Variants in SIL1 observed in about 807,000 individuals in gnomAD.
SIL1 encodes the protein SIL1 nucleotide exchange factor, also known as nucleotide exchange factor SIL1.
In SIL1, 40 loss-of-function variants were observed where a neutral mutation model predicts 49.1. That is an observed-to-expected ratio of 0.81 (90% CI 0.63 to 1.06). SIL1 has a LOEUF of 1.06. SIL1 is among the 50% of genes least tolerant of loss of function. The pLI is 0.00. For missense variants in SIL1, 500 were observed against 572.6 expected, an observed-to-expected ratio of 0.87 and a Z score of 1.29; for synonymous variants, 253 against 250.8, an observed-to-expected ratio of 1.01 and a Z score of -0.08.
intron 1 of SIL1, among the ~76,000 whole-genome samples, chr5:139,175,275 C>T (rs1298409655): frequency 6.6e-6 from 1 of 152,030 alleles, no homozygotes; most frequent in African/African-American, 2.4e-5. Flanking sequence ...TGAGCAAGAT[C>T]GCACCACTGC....
In SIL1 at chr5:138,947,263, G is replaced by A; in HGVS notation, c.1240C>T (p.Gln414Ter). 1 of 1,613,580 alleles carries A rather than the reference G, an allele frequency of 6.2e-7. No individual in the cohort carries two copies. Among genetic ancestry groups the A allele is most frequent in the South Asian group, 1.1e-5 (1 of 91,076 alleles). ...AGTGTCCTGCCGAGCTGGGGGTCCT[G>A]ACGGTAGCGGTCCCGGCAGGTGGTC... ...LLTTCRDRYR[Q>*]DPQLGRTLAS... Residue 414 changes from glutamine to a stop codon, truncating the protein, a stop_gained, in exon 10 of 10, where the codon CAG (glutamine) becomes TAG (stop). Coordinates refer to ENST00000394817, the MANE Select transcript of SIL1 (RefSeq NM_022464.5). LOFTEE classifies it high-confidence loss of function. The surrounding 1 kb of genome is among the most constrained non-coding windows in gnomAD (Gnocchi z 4.1).
intron 7 of SIL1, among the ~76,000 whole-genome samples, chr5:138,955,547 G>A (rs1252829725): frequency 2.0e-5 from 3 of 152,234 alleles, no homozygotes; most frequent in African/African-American, 7.2e-5. Flanking sequence ...CTGAAGCTAA[G>A]CAAGTGTCTG....
At chr5:139,110,734 T>TG (rs1770822434) in intron 3 of SIL1, among the ~76,000 whole-genome samples, 1 of 152,222 alleles carries the variant, frequency 6.6e-6, no homozygotes, top group African/African-American at 2.4e-5. Context: ...ACCCCCACCC[T>TG]GCCCTGTGCA....
At chr5:138,995,280 T>A (rs1021847628) in intron 7 of SIL1, among the ~76,000 whole-genome samples, 4 of 150,782 alleles carry the variant, frequency 2.7e-5, no homozygotes, top group Non-Finnish European at 5.9e-5. Context: ...AGAGTTTCAC[T>A]CTTGTTGCCC....
intron 2 of SIL1, among the ~76,000 whole-genome samples, chr5:139,122,212 G>A (rs990383718): frequency 6.6e-6 from 1 of 152,116 alleles, no homozygotes; most frequent in Non-Finnish European, 1.5e-5. Context: ...ACTTTACATA[G>A]ATCTCATTTT....
chr5:139,145,973 T>C (rs1751189120), intron 1 of SIL1, among the ~76,000 whole-genome samples: 1 of 151,818 alleles, frequency 6.6e-6, no homozygotes, highest in African/African-American at 2.4e-5. Context: ...TATATAAGTA[T>C]GTGAGTGTGT....
intron 3 of SIL1, among the ~76,000 whole-genome samples, chr5:139,081,219 T>C (rs141154496): frequency 3.3e-5 from 5 of 152,324 alleles, no homozygotes; most frequent in South Asian, 2.1e-4. Flanking sequence ...GAAAATGCCC[T>C]TTCAAAAACA....
chr5:138,977,776 A>G (rs184704974), intron 7 of SIL1, among the ~76,000 whole-genome samples: 176 of 152,210 alleles, frequency 1.2e-3, no homozygotes, highest in Non-Finnish European at 2.2e-3. Context: ...AACTTCGCCA[A>G]CCTCACCTCT....
Position 138,970,694 on chromosome 5 carries a change from A to T in SIL1, c.768-18810T>A, listed in dbSNP as rs181294676. 3.9e-5 allele frequency among the ~76,000 whole-genome samples: 6 copies of T among 152,316 alleles called. No individual in the cohort carries two copies. The East Asian group carries it at 7.7e-4, about 20-fold the overall frequency. On this transcript the variant is annotated intron_variant, in intron 7 of 9. Transcript: ENST00000394817. ...GTAACTACATCCTCCCAAGTGGTAT[A>T]GAATTCCAGGGAAGATCCTGGCCAA...
At chr5:139,100,095 A>T (rs1416345246) in intron 3 of SIL1, among the ~76,000 whole-genome samples, 2 of 152,228 alleles carry the variant, frequency 1.3e-5, no homozygotes, top group African/African-American at 4.8e-5. Context: ...AAATTTTTTT[A>T]AAAAGATTTA....
chr5:139,046,020 C>A (rs1250028631), intron 4 of SIL1, among the ~76,000 whole-genome samples: 1 of 152,224 alleles, frequency 6.6e-6, no homozygotes, highest in Non-Finnish European at 1.5e-5. Flanking sequence ...AACTAAATCA[C>A]TCTCCTGCCT....
chr5:138,983,832 T>G (rs1466872093), intron 7 of SIL1, among the ~76,000 whole-genome samples: 2 of 137,454 alleles, frequency 1.5e-5, no homozygotes, highest in African/African-American at 5.9e-5. Flanking sequence ...AGATGGACCC[T>G]AACCACCACT....
intron 7 of SIL1, among the ~76,000 whole-genome samples, chr5:139,018,980 T>C (rs1377468143): frequency 6.6e-6 from 1 of 152,208 alleles, no homozygotes; most frequent in African/African-American, 2.4e-5. Flanking sequence ...GTAGGTCCAG[T>C]GGTCTGCCTA....
chr5:139,086,286 AAAG>A lies in SIL1; in HGVS notation c.244+34746_244+34748del, dbSNP rs70982744. Among the ~76,000 whole-genome samples the A allele has an allele frequency of 7.0e-4, 102 of 145,214 alleles. No individual in the cohort carries two copies. In the East Asian group the frequency reaches 0.015, roughly 22 times the overall value. ...AGACCGTCTTAAAAAAAAAAAAAAA[AAAG>A]AAGAAGAAGAAGAAGCAATTTGCCA... On this transcript the variant is annotated intron_variant, in intron 3 of 9. Transcript: ENST00000394817.
intron 1 of SIL1, 74 bp from the exon 2 acceptor site, chr5:139,127,927 TGTC>T: frequency 1.1e-6 from 1 of 893,618 alleles, no homozygotes; most frequent in Non-Finnish European, 1.8e-6. Context: ...GTGATTCCCA[TGTC>T]GTCACTTGCT....
At chr5:138,982,376 T>C (rs934997160) in intron 7 of SIL1, among the ~76,000 whole-genome samples, 5 of 152,222 alleles carry the variant, frequency 3.3e-5, no homozygotes, top group Non-Finnish European at 7.3e-5. Context: ...GTGGGCAGCA[T>C]CTGCCCCTCC....
chr5:138,998,093 C>A (rs1330216564), intron 7 of SIL1, among the ~76,000 whole-genome samples: 1 of 152,162 alleles, frequency 6.6e-6, no homozygotes, highest in Non-Finnish European at 1.5e-5. Context: ...TCCATGAGCA[C>A]GGAAACTTTC....
chr5:139,117,724 C>T (rs867361090), intron 3 of SIL1, among the ~76,000 whole-genome samples: 2 of 152,132 alleles, frequency 1.3e-5, no homozygotes, highest in Non-Finnish European at 2.9e-5. Context: ...AAGAAAGAGA[C>T]AGGAAAATCA....
chr5:139,126,498 G>A (rs1243057598), intron 2 of SIL1, among the ~76,000 whole-genome samples: 1 of 152,218 alleles, frequency 6.6e-6, no homozygotes, highest in Non-Finnish European at 1.5e-5. Context: ...CCTGGGCCCT[G>A]AAGGTTCTTT....
Sources: gnomAD v4.1 joint callset for allele counts (sites outside exome capture counted in the v4.1 genomes callset) on GRCh38, gnomAD v4.1.1 for gene constraint, Gnocchi (gnomAD v3.1) non-coding constraint, MANE v1.5 for transcripts, NCBI Gene and HGNC (gene_info 2026-07-23, HGNC 2026-07-21) for gene names.